CSMD1: variants seen among roughly 807,000 people sequenced by gnomAD.
CSMD1 encodes CUB and sushi domain-containing protein 1.
Under a neutral mutation model 417.5 loss-of-function variants are expected in CSMD1, and 213 were observed. The ratio of observed to expected loss-of-function variants is 0.51; its 90% CI spans 0.46 to 0.57. The LOEUF (loss-of-function observed/expected upper bound fraction) is 0.57. Among genes scored for constraint, CSMD1 ranks in the 20% least tolerant of loss-of-function variants. The pLI is 0.00. For missense variants in CSMD1, 6,923 were observed against 4,529.7 expected (o/e 1.53, Z -15.17); for synonymous variants, 2,862 against 1,736.8 (o/e 1.65, Z -16.11).
chr8:3,954,202 G>A (rs1050868720), intron 5 of CSMD1, among the ~76,000 whole-genome samples: 2 of 152,126 alleles, frequency 1.3e-5, no homozygotes, highest in Non-Finnish European at 2.9e-5. Context: ...TTGACTGAGG[G>A]GCATAAAGGA....
intron 50 of CSMD1, among the ~76,000 whole-genome samples, chr8:3,038,899 T>C (rs539257656): frequency 1.3e-5 from 2 of 152,252 alleles, no homozygotes; most frequent in African/African-American, 4.8e-5. Flanking sequence ...TTAAACTTCA[T>C]CATGGAGACA....
At chr8:3,178,388 A>T (rs1186559936) in intron 37 of CSMD1, among the ~76,000 whole-genome samples, 1 of 151,694 alleles carries the variant, frequency 6.6e-6, no homozygotes, top group Non-Finnish European at 1.5e-5. Context: ...ATGGACTCAC[A>T]AGCTCCTTGA....
At chr8:4,770,236 T>G in intron 1 of CSMD1, among the ~76,000 whole-genome samples, 1 of 148,574 alleles carries the variant, frequency 6.7e-6, no homozygotes, top group Non-Finnish European at 1.5e-5. Flanking sequence ...TATATACATA[T>G]TCATATATGT....
At chr8:3,398,260 A>G (rs1283445566) in intron 16 of CSMD1, among the ~76,000 whole-genome samples, 4 of 152,162 alleles carry the variant, frequency 2.6e-5, no homozygotes, top group South Asian at 4.1e-4. Context: ...AAGAAACCCA[A>G]CGTAATCAAC....
chr8:4,393,884 CAT>C (rs1458058005), intron 3 of CSMD1, among the ~76,000 whole-genome samples: 4 of 152,176 alleles, frequency 2.6e-5, no homozygotes, highest in Non-Finnish European at 5.9e-5. Flanking sequence ...AACCATGAGA[CAT>C]ATGAAATATA....
At chr8:3,644,293 G>C (rs568939825) in intron 7 of CSMD1, among the ~76,000 whole-genome samples, 1 of 152,322 alleles carries the variant, frequency 6.6e-6, no homozygotes, top group African/African-American at 2.4e-5. Context: ...CAACAACACT[G>C]CCTGTGATCA....
At chr8:4,987,022 T>C (rs756514580) in intron 1 of CSMD1, among the ~76,000 whole-genome samples, 5 of 152,194 alleles carry the variant, frequency 3.3e-5, no homozygotes, top group Non-Finnish European at 7.3e-5. Context: ...CATCAGGTAT[T>C]ACACATATAC....
At chr8:4,608,095 C>T (rs949885714) in intron 2 of CSMD1, among the ~76,000 whole-genome samples, 6 of 152,116 alleles carry the variant, frequency 3.9e-5, no homozygotes, top group African/African-American at 1.4e-4. Context: ...TATTCGAAAC[C>T]AACAACAAGG....
intron 18 of CSMD1, chr8:3,375,323 G>T (rs1234032728): frequency 1.3e-5 from 2 of 152,074 alleles, no homozygotes; most frequent in East Asian, 3.9e-4. Flanking sequence ...CCTAGCCTCT[G>T]CAAGTCTGCC....
At chr8:3,563,134 C>T (rs1190445054) in intron 10 of CSMD1, among the ~76,000 whole-genome samples, 1 of 151,760 alleles carries the variant, frequency 6.6e-6, no homozygotes, top group South Asian at 2.1e-4. Context: ...TTATTTCTTC[C>T]CCCTATTTCA....
chr8:4,301,423 A>G (rs751076473), intron 3 of CSMD1, among the ~76,000 whole-genome samples: 2 of 152,066 alleles, frequency 1.3e-5, no homozygotes, highest in Non-Finnish European at 2.9e-5. Context: ...ACTGGGAAAG[A>G]TATGTTTTAT....
intron 2 of CSMD1, among the ~76,000 whole-genome samples, chr8:4,513,427 T>A (rs1417779600): frequency 2.6e-5 from 4 of 152,150 alleles, no homozygotes; most frequent in Non-Finnish European, 4.4e-5. Flanking sequence ...CTACTAATGA[T>A]CATGTTCAAA....
At chr8:3,260,724 C>T (rs1800998995) in intron 26 of CSMD1, among the ~76,000 whole-genome samples, 1 of 152,086 alleles carries the variant, frequency 6.6e-6, no homozygotes, top group Non-Finnish European at 1.5e-5. Flanking sequence ...CTCGACCTAC[C>T]TCAAGAGTTA....
chr8:3,025,408 G>A (rs576886706), intron 51 of CSMD1, among the ~76,000 whole-genome samples: 11 of 152,032 alleles, frequency 7.2e-5, no homozygotes, highest in South Asian at 2.1e-4. Flanking sequence ...TTCTGAAACC[G>A]TGTATTGTGT....
intron 6 of CSMD1, among the ~76,000 whole-genome samples, chr8:3,717,668 T>A (rs1019942514): frequency 6.6e-6 from 1 of 152,178 alleles, no homozygotes; most frequent in Admixed American, 6.5e-5. Context: ...GCTATGTGCA[T>A]TGTATATATA....
chr8:4,470,518 C>A (rs556183037), intron 2 of CSMD1, among the ~76,000 whole-genome samples: 1 of 152,304 alleles, frequency 6.6e-6, no homozygotes, highest in South Asian at 2.1e-4. Flanking sequence ...GAATTCCTTA[C>A]ATTAAATGAA....
chr8:4,136,782 G>A (rs1173430733), intron 3 of CSMD1, among the ~76,000 whole-genome samples: 1 of 152,128 alleles, frequency 6.6e-6, no homozygotes, highest in Non-Finnish European at 1.5e-5. Flanking sequence ...TGATTAGTTT[G>A]TTGGACTCAA....
intron 3 of CSMD1, among the ~76,000 whole-genome samples, chr8:4,086,641 C>A (rs185895685): frequency 6.6e-6 from 1 of 152,168 alleles, no homozygotes; most frequent in Non-Finnish European, 1.5e-5. Flanking sequence ...CTTAATGCAC[C>A]AAGCGATTTC....
intron 3 of CSMD1, among the ~76,000 whole-genome samples, chr8:4,063,823 G>A (rs919298463): frequency 1.3e-5 from 2 of 152,152 alleles, no homozygotes; most frequent in Middle Eastern, 3.2e-3. Flanking sequence ...CACTTTGAAT[G>A]TGGTAAGAAG....
Sources: gnomAD v4.1 joint callset for allele counts (sites outside exome capture counted in the v4.1 genomes callset) on GRCh38, gnomAD v4.1.1 for gene constraint, MANE v1.5 for transcripts, NCBI Gene and HGNC (gene_info 2026-07-23, HGNC 2026-07-21) for gene names.